The following CEP70 variants were observed in gnomAD, a reference collection of about 807,000 sequenced individuals.
The protein encoded by CEP70 is centrosomal protein of 70 kDa.
In CEP70, 70 loss-of-function variants were observed where a neutral mutation model predicts 90.9. The ratio of observed to expected loss-of-function variants is 0.77; its 90% confidence interval spans 0.64 to 0.94. CEP70 has a LOEUF of 0.94. Among genes scored for constraint, CEP70 ranks in the 40% least tolerant of loss-of-function variants. CEP70 has a pLI of 0.00. For missense variants in CEP70, 648 were observed against 669.0 expected (o/e 0.97, Z 0.35); for synonymous variants, 220 against 228.3 (o/e 0.96, Z 0.33).
At chr3:138,528,335 T>G (rs1389171531) in intron 10 of CEP70, among the ~76,000 whole-genome samples, 1 of 152,188 alleles carries the variant, frequency 6.6e-6, no homozygotes, top group African/African-American at 2.4e-5. Context: ...AAAGCCACTA[T>G]GCCCAGCTTA....
rs139205380 is a variant in CEP70, at chr3:138,562,163, T to G, written c.465+8155A>C. ...GAAAACAAGATTAGAGAAAAAAGAA[T>G]GAAAAGGAATGAACAAAGCCTCCAA... On this transcript the variant is annotated intron_variant, in intron 6 of 17. Coordinates refer to ENST00000264982, the MANE Select transcript of CEP70 (RefSeq NM_024491.4). 5.7e-3 allele frequency among the ~76,000 whole-genome samples: 862 copies of G among 151,212 alleles called. 7 individuals are homozygous for G. The highest frequency in any genetic ancestry group is 0.02 in the African/African-American group (832 of 41,160).
In CEP70 at chr3:138,578,836, C is replaced by A. The variant is rs187239529; in HGVS notation, c.-5-5904G>T. Among the ~76,000 whole-genome samples the A allele has an allele frequency of 1.3e-4, 20 of 152,300 alleles. 1 individual carries two copies. Among genetic ancestry groups the A allele is most frequent in the Admixed American group, 9.1e-4 (14 of 15,304 alleles). On this transcript the variant is annotated intron_variant, in intron 2 of 17. Transcript: ENST00000264982. ...GCGGAGCAAAATGACTGAACAGAAG[C>A]CTCCACCGATTGTCCTCCCAACAGG...
chr3:138,540,321 C>A (rs1470354334), intron 6 of CEP70, among the ~76,000 whole-genome samples: 2 of 151,910 alleles, frequency 1.3e-5, no homozygotes, highest in African/African-American at 4.8e-5. Context: ...ATGGTGAAAC[C>A]CACTCTCTAC....
chr3:138,582,338 G>A (rs1480900770), intron 2 of CEP70, among the ~76,000 whole-genome samples: 1 of 152,120 alleles, frequency 6.6e-6, no homozygotes, highest in African/African-American at 2.4e-5. Flanking sequence ...CAGGCGTGGT[G>A]GCACATGCCC....
chr3:138,574,603 T>C lies in CEP70; in HGVS notation c.-5-1671A>G, dbSNP rs950287051. 5.9e-5 allele frequency among the ~76,000 whole-genome samples: 9 copies of C among 152,296 alleles called. No individual in the cohort carries two copies. In the East Asian group the frequency reaches 7.7e-4, roughly 13 times the overall value. ...GAAGACAGCAGTGGTTCTCCCAGCATGGTGTTTGAGCTCTGAGAACGGACA... is the reference window on the plus strand; with the variant it reads ...GAAGACAGCAGTGGTTCTCCCAGCACGGTGTTTGAGCTCTGAGAACGGACA... On this transcript the variant is annotated intron_variant, in intron 2 of 17. Transcript: ENST00000264982.
In CEP70 at chr3:138,570,347, C is replaced by A. The variant is rs1224097376; in HGVS notation, c.436G>T (p.Asp146Tyr). The A allele has an allele frequency of 5.0e-6, 8 of 1,587,006 alleles. No homozygotes were observed. Among genetic ancestry groups the A allele is most frequent in the African/African-American group, 1.4e-5 (1 of 72,930 alleles). Residue 146 changes from aspartate to tyrosine, a missense_variant, in exon 6 of 18, where the codon GAT becomes TAT. Transcript: ENST00000264982. ...AAAGTTTTCTGCTCCTTTTGAAGATCTTTTATTTTATTCTGTTGGTGGCAA... is the reference window on the plus strand; with the variant it reads ...AAAGTTTTCTGCTCCTTTTGAAGATATTTTATTTTATTCTGTTGGTGGCAA... ...RACHQQNKIK[D>Y]LQKEQKTLQV... is the part of the protein sequence containing the mutation.
chr3:138,543,534 GC>G (rs2038933325), intron 6 of CEP70, among the ~76,000 whole-genome samples: 1 of 152,228 alleles, frequency 6.6e-6, no homozygotes. Context: ...GCGCAGGGAT[GC>G]CCAAGTCCCA....
intron 6 of CEP70, among the ~76,000 whole-genome samples, chr3:138,550,614 C>T (rs2107944274): frequency 6.6e-6 from 1 of 152,314 alleles, no homozygotes; most frequent in South Asian, 2.1e-4. Flanking sequence ...CTGCCCGCCT[C>T]AGCCTCCCAA....
intron 6 of CEP70, among the ~76,000 whole-genome samples, chr3:138,566,302 C>T (rs1459844237): frequency 6.6e-6 from 1 of 152,146 alleles, no homozygotes; most frequent in African/African-American, 2.4e-5. Flanking sequence ...GAAGAAATAT[C>T]ATTTGACCCA....
chr3:138,501,024 A>T (rs939988057), intron 13 of CEP70, 143 bp from the exon 14 acceptor site: 7 of 307,876 alleles, frequency 2.3e-5, no homozygotes, highest in Admixed American at 1.5e-4. Context: ...AGGTTAAAAA[A>T]ATATATATGT....
chr3:138,572,880 G>T lies in CEP70; in HGVS notation c.48C>A (p.Asp16Glu). 1 of 1,607,570 alleles carries T rather than the reference G, an allele frequency of 6.2e-7. No homozygotes were observed. Among genetic ancestry groups the T allele is most frequent in the Non-Finnish European group, 8.5e-7 (1 of 1,174,546 alleles). ...PKPQDSSQPS[D>E]RLMTEKQQEE... is the part of the protein sequence containing the mutation. Reference sequence around the variant, plus strand: ...TTACCTGTTTTTCAGTCATGAGTCTGTCTGATGGTTGACTGGAATCCTGGG... The same window carrying T: ...TTACCTGTTTTTCAGTCATGAGTCTTTCTGATGGTTGACTGGAATCCTGGG... Residue 16 changes from aspartate to glutamate, a missense_variant, in exon 3 of 18, where the codon GAC becomes GAA. Coordinates refer to ENST00000264982, the MANE Select transcript of CEP70 (RefSeq NM_024491.4).
At chr3:138,512,456 G>A (rs1241432220) in intron 11 of CEP70, among the ~76,000 whole-genome samples, 2 of 151,944 alleles carry the variant, frequency 1.3e-5, no homozygotes, top group African/African-American at 2.4e-5. Flanking sequence ...GACTTAATTG[G>A]CATTTTAGAA....
chr3:138,561,971 C>T lies in CEP70; in HGVS notation c.465+8347G>A, dbSNP rs982008857. On this transcript the variant is annotated intron_variant, in intron 6 of 17. Transcript: ENST00000264982. Reference sequence around the variant, plus strand: ...CTGGGAGATGGAGCTTGCAGTGAGCCGAGATTGTGCCACTGCACTCTGGCC... The same window carrying T: ...CTGGGAGATGGAGCTTGCAGTGAGCTGAGATTGTGCCACTGCACTCTGGCC... Among the ~76,000 whole-genome samples, 4 of 149,322 alleles carry T rather than the reference C, an allele frequency of 2.7e-5. No homozygotes were observed. The East Asian group carries it at 5.9e-4, about 22-fold the overall frequency.
intron 2 of CEP70, among the ~76,000 whole-genome samples, chr3:138,575,998 T>C (rs1027281357): frequency 3.9e-5 from 6 of 152,140 alleles, no homozygotes; most frequent in Admixed American, 3.3e-4. Context: ...TGCAAAAACA[T>C]GCCAAATTGT....
At chr3:138,563,325 G>T (rs2040547980) in intron 6 of CEP70, among the ~76,000 whole-genome samples, 1 of 152,136 alleles carries the variant, frequency 6.6e-6, no homozygotes, top group African/African-American at 2.4e-5. Context: ...TTTAGGACTT[G>T]AACTCAGCTC....
chr3:138,537,432 C>T (rs1011316288), intron 6 of CEP70, 85 bp from the exon 7 acceptor site: 1 of 882,330 alleles, frequency 1.1e-6, no homozygotes, highest in Non-Finnish European at 1.6e-6. Flanking sequence ...AAGGCATCTT[C>T]ATAGTTTCTA....
intron 7 of CEP70, among the ~76,000 whole-genome samples, chr3:138,533,755 CA>C (rs1212345145): frequency 6.6e-6 from 1 of 152,004 alleles, no homozygotes; most frequent in Non-Finnish European, 1.5e-5. Flanking sequence ...TATACACTTT[CA>C]TATTGTTTGA....
chr3:138,562,034 A>T (rs2040445680), intron 6 of CEP70, among the ~76,000 whole-genome samples: 1 of 151,688 alleles, frequency 6.6e-6, no homozygotes, highest in Non-Finnish European at 1.5e-5. Flanking sequence ...AAAAAAAAAA[A>T]AAAAGAAGAA....
chr3:138,571,115 T>C lies in CEP70; in HGVS notation c.203A>G (p.Gln68Arg), dbSNP rs754067697. 3 of 1,603,756 alleles carry C rather than the reference T, an allele frequency of 1.9e-6. No homozygotes were observed. The South Asian group carries it at 3.3e-5, about 18-fold the overall frequency. Residue 68 changes from glutamine (Q) to arginine (R), a missense_variant, in exon 5 of 18, where the codon CAG becomes CGG. Physicochemically the swap from Gln to Arg is conservative, Grantham distance 43. Coordinates refer to ENST00000264982, the MANE Select transcript of CEP70 (RefSeq NM_024491.4). ...FDKQSSQRMR[Q>R]NLKLLVEETS... ...TTCTTCCACCAACAATTTCAAATTC[T>C]GTCTCATCCTTTGTGATGACTGTTT...
Sources: gnomAD v4.1 joint callset for allele counts (sites outside exome capture counted in the v4.1 genomes callset) on GRCh38, gnomAD v4.1.1 for gene constraint, MANE v1.5 for transcripts, NCBI Gene and HGNC (gene_info 2026-07-23, HGNC 2026-07-21) for gene names.